Variants in PLCXD3 observed in about 807,000 individuals in gnomAD.
PLCXD3 encodes phosphatidylinositol specific phospholipase C X domain containing 3.
In PLCXD3, 19 loss-of-function variants were observed where a neutral mutation model predicts 25.5. The observed-to-expected ratio is 0.75, with a 90% confidence interval of 0.52 to 1.09. The LOEUF (loss-of-function observed/expected upper bound fraction) is 1.09. Among genes scored for constraint, PLCXD3 ranks in the 50% least tolerant of loss-of-function variants. The pLI, the probability that PLCXD3 is intolerant of heterozygous loss-of-function variation, is 0.00. For missense variants in PLCXD3, 411 were observed against 388.1 expected (o/e 1.06, Z -0.50); for synonymous variants, 174 against 137.6 (o/e 1.26, Z -1.85).
chr5:41,383,248 T>TTAAC (rs1745536938), intron 1 of PLCXD3, among the ~76,000 whole-genome samples: 1 of 152,130 alleles, frequency 6.6e-6, no homozygotes, highest in Non-Finnish European at 1.5e-5. Context: ...CATTTAAAAA[T>TTAAC]TAACTAATAG....
At chr5:41,436,313 G>T (rs1192503268) in intron 1 of PLCXD3, among the ~76,000 whole-genome samples, 1 of 151,990 alleles carries the variant, frequency 6.6e-6, no homozygotes, top group Non-Finnish European at 1.5e-5. Flanking sequence ...TTGCTTAAGA[G>T]AATGAAATCT....
intron 1 of PLCXD3, among the ~76,000 whole-genome samples, chr5:41,489,631 G>A (rs1317248835): frequency 6.6e-6 from 1 of 151,642 alleles, no homozygotes; most frequent in Admixed American, 6.6e-5. Flanking sequence ...AGTTCTCCTT[G>A]AAGAGGTCCT....
At chr5:41,431,518 G>A (rs529344991) in intron 1 of PLCXD3, among the ~76,000 whole-genome samples, 4 of 151,944 alleles carry the variant, frequency 2.6e-5, no homozygotes, top group East Asian at 1.9e-4. Context: ...ATCACTTCAC[G>A]GACAGGTTCT....
chr5:41,361,022 G>GT (rs2150484985), intron 2 of PLCXD3, among the ~76,000 whole-genome samples: 1 of 152,224 alleles, frequency 6.6e-6, no homozygotes, highest in East Asian at 1.9e-4. Context: ...AGACTACCAA[G>GT]TGGGGGCAGG....
At position 41,456,119 on chromosome 5, in the gene PLCXD3, G is replaced by A. The variant is rs546017670; in HGVS notation, c.103+54305C>T. ...GGAACTGGTAATGAGGAGGGAGAGC[G>A]GTTCAATTTTAAATGAGATAGTCAG... On this transcript the variant is annotated intron_variant, in intron 1 of 2. Transcript: ENST00000377801. Among the ~76,000 whole-genome samples the A allele has an allele frequency of 9.2e-5, 14 of 151,878 alleles. No individual in the cohort carries two copies. The South Asian group carries it at 2.1e-3, about 23-fold the overall frequency.
intron 1 of PLCXD3, among the ~76,000 whole-genome samples, chr5:41,430,353 G>A (rs142266883): frequency 6.4e-4 from 98 of 152,260 alleles, no homozygotes; most frequent in Middle Eastern, 6.8e-3. Flanking sequence ...CCCTGATAGG[G>A]TTAGATTATA....
At chr5:41,373,823 G>A (rs776534808) in intron 2 of PLCXD3, among the ~76,000 whole-genome samples, 3 of 152,076 alleles carry the variant, frequency 2.0e-5, no homozygotes, top group Non-Finnish European at 2.9e-5. Flanking sequence ...ACATGAGAAT[G>A]TGCTTTTTAG....
chr5:41,402,305 T>C (rs945080490), intron 1 of PLCXD3, among the ~76,000 whole-genome samples: 3 of 151,808 alleles, frequency 2.0e-5, no homozygotes, highest in African/African-American at 7.2e-5. Flanking sequence ...TCAATTAAAA[T>C]TATTTTATAA....
At chr5:41,477,396 A>G (rs755529044) in intron 1 of PLCXD3, among the ~76,000 whole-genome samples, 9 of 152,176 alleles carry the variant, frequency 5.9e-5, no homozygotes, top group Admixed American at 3.3e-4. Context: ...GAAGACTTAG[A>G]TCCTATCCCC....
At chr5:41,490,764 T>C (rs1748648873) in intron 1 of PLCXD3, among the ~76,000 whole-genome samples, 1 of 152,242 alleles carries the variant, frequency 6.6e-6, no homozygotes, top group South Asian at 2.1e-4. Flanking sequence ...TGTATTTCTG[T>C]GGGATCGGTG....
intron 2 of PLCXD3, among the ~76,000 whole-genome samples, chr5:41,351,898 T>C (rs1744472018): frequency 6.6e-6 from 1 of 152,226 alleles, no homozygotes; most frequent in African/African-American, 2.4e-5. Flanking sequence ...ATTTTTCTGT[T>C]TTGAAATATG....
At chr5:41,479,513 A>T (rs1227827364) in intron 1 of PLCXD3, among the ~76,000 whole-genome samples, 2 of 152,314 alleles carry the variant, frequency 1.3e-5, no homozygotes, top group East Asian at 3.9e-4. Flanking sequence ...TTTTACCTTG[A>T]TAAAAAAAAC....
intron 1 of PLCXD3, among the ~76,000 whole-genome samples, chr5:41,403,408 T>TTTTTTTG (rs1554047965): frequency 3.8e-5 from 1 of 26,230 alleles, no homozygotes; most frequent in Non-Finnish European, 9.4e-5. Flanking sequence ...GTTGTTTTTT[T>TTTTTTTG]TTTTTTTTAT....
At chr5:41,360,150 T>C (rs369428754) in intron 2 of PLCXD3, among the ~76,000 whole-genome samples, 1 of 152,188 alleles carries the variant, frequency 6.6e-6, no homozygotes, top group African/African-American at 2.4e-5. Context: ...TTCTAGTACA[T>C]TTTGCATTTC....
At chr5:41,431,945 G>T (rs1747118823) in intron 1 of PLCXD3, among the ~76,000 whole-genome samples, 1 of 152,122 alleles carries the variant, frequency 6.6e-6, no homozygotes, top group East Asian at 1.9e-4. Context: ...ACCTACAAGA[G>T]CCCCAGGCAG....
intron 1 of PLCXD3, among the ~76,000 whole-genome samples, chr5:41,489,912 T>C (rs1748617109): frequency 6.6e-6 from 1 of 151,872 alleles, no homozygotes; most frequent in South Asian, 2.1e-4. Flanking sequence ...TTTTCCTAAT[T>C]GAATACCCTT....
intron 1 of PLCXD3, among the ~76,000 whole-genome samples, chr5:41,393,325 A>G (rs1745894424): frequency 1.3e-5 from 2 of 152,214 alleles, no homozygotes; most frequent in Non-Finnish European, 1.5e-5. Flanking sequence ...CCAAGAAAAA[A>G]AATAAATAAC....
chr5:41,510,391 C>G lies in PLCXD3; in HGVS notation c.103+33G>C, dbSNP rs756509717. 9.6e-6 allele frequency: 15 copies of G among 1,559,850 alleles called. No homozygotes were observed. In the East Asian group the frequency reaches 9.8e-5, roughly 10 times the overall value. ...AGGGCGGGGCAGGTGGAGCGGGCGC[C>G]GAGCGCCTAGCCCGCAGCCCCTGCG... On this transcript the variant is annotated intron_variant, in intron 1 of 2. Transcript: ENST00000377801.
chr5:41,389,598 C>G (rs1745745297), intron 1 of PLCXD3, among the ~76,000 whole-genome samples: 1 of 152,114 alleles, frequency 6.6e-6, no homozygotes, highest in African/African-American at 2.4e-5. Flanking sequence ...AATAGTCATG[C>G]ATATGGGGAT....
Sources: allele counts gnomAD v4.1 joint callset (sites outside exome capture counted in the v4.1 genomes callset), GRCh38; gene constraint gnomAD v4.1.1; transcripts MANE v1.5; gene names NCBI Gene and HGNC (gene_info 2026-07-23, HGNC 2026-07-21).